Variants in R3HDM1 observed in about 807,000 individuals in gnomAD.
R3HDM1 encodes R3H domain containing 1.
Under a neutral mutation model 141.1 loss-of-function variants are expected in R3HDM1, and 46 were observed. That is an observed-to-expected ratio of 0.33 (90% CI 0.26 to 0.42). The LOEUF is 0.42. Ranked by LOEUF, R3HDM1 falls within the 10% of genes least tolerant of loss-of-function variation. The pLI is 1.00. For synonymous variants in R3HDM1, 435 were observed against 472.9 expected (o/e 0.92, Z 1.04); for missense variants, 1,184 against 1,368.3 (o/e 0.87, Z 2.12).
chr2:135,700,982 C>T (rs1403896066), intron 21 of R3HDM1, among the ~76,000 whole-genome samples: 4 of 151,826 alleles, frequency 2.6e-5, no homozygotes, highest in African/African-American at 4.8e-5. Context: ...TACATGCCTC[C>T]GATAAAGTTT....
At chr2:135,620,330 G>C (rs1387144399) in intron 5 of R3HDM1, 1 of 882,968 alleles carries the variant, frequency 1.1e-6, no homozygotes, top group Non-Finnish European at 1.4e-6. Flanking sequence ...CTGTTTTACA[G>C]TTATGAAAAG....
At chr2:135,612,760 T>C (rs929417129) in intron 3 of R3HDM1, among the ~76,000 whole-genome samples, 3 of 152,200 alleles carry the variant, frequency 2.0e-5, no homozygotes, top group African/African-American at 7.2e-5. Context: ...CTGCTAAGGG[T>C]GAAAAGTGTG....
At chr2:135,654,593 C>T (rs1194564000) in intron 18 of R3HDM1, among the ~76,000 whole-genome samples, 1 of 152,024 alleles carries the variant, frequency 6.6e-6, no homozygotes, top group East Asian at 1.9e-4. Context: ...GGATTACAGG[C>T]GTGAGCCACC....
chr2:135,613,898 G>A (rs2060779017), intron 3 of R3HDM1, among the ~76,000 whole-genome samples: 1 of 152,154 alleles, frequency 6.6e-6, no homozygotes, highest in South Asian at 2.1e-4. Context: ...AATCTTGGGT[G>A]CCATCTTTAG....
chr2:135,662,186 A>T (rs1433266378), intron 19 of R3HDM1, among the ~76,000 whole-genome samples: 1 of 152,152 alleles, frequency 6.6e-6, no homozygotes, highest in African/African-American at 2.4e-5. Flanking sequence ...GTTTCTTTAG[A>T]GCTTTCTTAA....
intron 26 of R3HDM1, 124 bp downstream of exon 26, chr2:135,722,677 C>T (rs1487767872): frequency 2.1e-6 from 2 of 935,656 alleles, no homozygotes; most frequent in African/African-American, 1.7e-5. Context: ...TTTTTGCCAT[C>T]TCTGATTTAG....
intron 23 of R3HDM1, among the ~76,000 whole-genome samples, chr2:135,714,019 A>G (rs1053269694): frequency 6.6e-6 from 1 of 152,196 alleles, no homozygotes; most frequent in African/African-American, 2.4e-5. Context: ...ATCACCACCA[A>G]GAAAACCATC....
In R3HDM1 at chr2:135,709,544, G is replaced by T. The variant is rs886856024; in HGVS notation, c.2563+8G>T. On this transcript the variant is annotated splice_region_variant and intron_variant, in intron 22 of 26. Transcript: ENST00000683871. ...AAGGCCACCAATGTACAGGTATAAA[G>T]AAATCAGTGAAAATAAGATGATTGG... 1.2e-6 allele frequency: 2 copies of T among 1,612,840 alleles called. No homozygotes were observed. Among genetic ancestry groups the T allele is most frequent in the Non-Finnish European group, 1.7e-6 (2 of 1,179,294 alleles).
At chr2:135,649,876 T>G in intron 16 of R3HDM1, 26 bp from the exon 17 acceptor site, 1 of 1,183,702 alleles carries the variant, frequency 8.4e-7, no homozygotes, top group Non-Finnish European at 1.1e-6. Context: ...GACATTAACA[T>G]TGTTTGCCAA....
At chr2:135,625,800 A>G (rs894133941) in intron 7 of R3HDM1, among the ~76,000 whole-genome samples, 12 of 152,196 alleles carry the variant, frequency 7.9e-5, no homozygotes, top group African/African-American at 2.7e-4. Context: ...GGGCTTCCCG[A>G]TAGCTGAACA....
At chr2:135,566,847 C>G in intron 1 of R3HDM1, 1 of 807,800 alleles carries the variant, frequency 1.2e-6, no homozygotes, top group Admixed American at 6.2e-5. Flanking sequence ...TGGCGGGTAC[C>G]TGTAATCCCA....
intron 21 of R3HDM1, 51 bp downstream of exon 21, chr2:135,680,375 A>G (rs1559419004): frequency 6.3e-7 from 1 of 1,591,190 alleles, no homozygotes; most frequent in East Asian, 2.2e-5. Context: ...GTTTACCAGG[A>G]TTATGGTCTG....
rs111446698 is a variant in R3HDM1 at position 135,709,368 on chromosome 2, A to G, written c.2460-65A>G. 2.1e-4 allele frequency: 341 copies of G among 1,598,868 alleles called. 1 individual carries two copies. The African/African-American group carries it at 2.4e-3, about 11-fold the overall frequency. On this transcript the variant is annotated intron_variant, in intron 21 of 26. Transcript: ENST00000683871. ...GATTACAGGCGTGAGCACCGCGCCC[A>G]GCCCATTCAAGAATGTTTATAGTCA...
chr2:135,555,995 A>G (rs1352782674), intron 1 of R3HDM1, among the ~76,000 whole-genome samples: 1 of 152,116 alleles, frequency 6.6e-6, no homozygotes, highest in Non-Finnish European at 1.5e-5. Context: ...CAACCTGTGC[A>G]GTGGAACAAG....
chr2:135,709,435 C>G lies in R3HDM1; in HGVS notation c.2462C>G (p.Ser821Cys), dbSNP rs369352316. The change falls in exon 22 of 27, where the codon TCT becomes TGT. Residue 821 changes from serine (S) to cysteine (C), a missense_variant and splice_region_variant. Physicochemically the swap from Ser to Cys is moderately radical, Grantham distance 112. Coordinates refer to ENST00000683871, the MANE Select transcript of R3HDM1 (RefSeq NM_001378107.1). ...IPPGQQNNLS[S>C]SVGYLQHPGS... is the part of the protein sequence containing the mutation. ...CTGTTTTTTTGTTTTTTCCATAGCT[C>G]TTCAGTAGGTTACCTGCAACATCCA... 4.7e-5 allele frequency: 76 copies of G among 1,613,984 alleles called. No individual in the cohort carries two copies. In the South Asian group the frequency reaches 6.3e-4, roughly 13 times the overall value.
chr2:135,711,963 TAAAAAAAAA>T (rs35616482), intron 23 of R3HDM1, among the ~76,000 whole-genome samples: 5 of 85,108 alleles, frequency 5.9e-5, no homozygotes, highest in African/African-American at 9.6e-5. Flanking sequence ...TGTCTAAAAT[TAAAAAAAAA>T]AAAAAAAAAA....
chr2:135,612,931 A>C (rs2060675930), intron 3 of R3HDM1, among the ~76,000 whole-genome samples: 1 of 152,242 alleles, frequency 6.6e-6, no homozygotes, highest in Admixed American at 6.5e-5. Context: ...TATGTATGGC[A>C]TATTTTCTAG....
intron 24 of R3HDM1, 92 bp downstream of exon 24, chr2:135,715,786 T>C (rs1575226572): frequency 2.7e-6 from 4 of 1,457,432 alleles, no homozygotes; most frequent in Non-Finnish European, 3.7e-6. Context: ...ATTGCCTTTC[T>C]ATTTTCCATA....
At chr2:135,672,017 A>G (rs1428763053) in intron 19 of R3HDM1, among the ~76,000 whole-genome samples, 1 of 152,144 alleles carries the variant, frequency 6.6e-6, no homozygotes, top group Non-Finnish European at 1.5e-5. Context: ...AGAACAACTA[A>G]CCAGAAATGT....
Sources: gnomAD v4.1 joint callset for allele counts (sites outside exome capture counted in the v4.1 genomes callset) on GRCh38, gnomAD v4.1.1 for gene constraint, MANE v1.5 for transcripts, NCBI Gene and HGNC (gene_info 2026-07-23, HGNC 2026-07-21) for gene names.